Variants in ANKFN1 observed in about 807,000 individuals in gnomAD.
The protein encoded by ANKFN1 is ankyrin repeat and fibronectin type III domain containing 1.
ANKFN1 carries 74 observed loss-of-function variants against 108.7 expected under a neutral mutation model. That is an observed-to-expected ratio of 0.68 (90% CI 0.56 to 0.83). The LOEUF (loss-of-function observed/expected upper bound fraction) is 0.83, where lower values mean the gene tolerates loss of function less well. Ranked by LOEUF, ANKFN1 falls within the 40% of genes least tolerant of loss-of-function variation. ANKFN1 has a pLI of 0.00. For missense variants in ANKFN1, 1,505 were observed against 1,382.3 expected, an observed-to-expected ratio of 1.09 and a Z score of -1.41; for synonymous variants, 547 against 516.2, an observed-to-expected ratio of 1.06 and a Z score of -0.81.
intron 1 of ANKFN1, among the ~76,000 whole-genome samples, chr17:56,172,023 A>T (rs1362072378): frequency 6.6e-6 from 1 of 152,198 alleles, no homozygotes; most frequent in Non-Finnish European, 1.5e-5. Context: ...AAAAAAACAA[A>T]AACAACTCTG....
chr17:56,151,213 C>T (rs1219295250), upstream of ANKFN1, among the ~76,000 whole-genome samples: 1 of 152,172 alleles, frequency 6.6e-6, no homozygotes, highest in East Asian at 1.9e-4. Flanking sequence ...ACACCCTCTA[C>T]CTGCTGTTTT....
rs1441749962 is a variant in ANKFN1, at chr17:56,513,679, CA to C, written c.*2414del. Among the ~76,000 whole-genome samples the C allele has an allele frequency of 1.3e-5, 2 of 152,076 alleles. No homozygotes were observed. Among genetic ancestry groups the C allele is most frequent in the South Asian group, 2.1e-4 (1 of 4,818 alleles). On this transcript the variant is annotated 3_prime_UTR_variant, in exon 21 of 21. Transcript: ENST00000682825. ...GTCAGTAAGTTCTGGCATACTGGAC[CA>C]AAACTGCATTAATTTTAAACCTGCT...
At chr17:56,076,187 C>T (rs984851505) in intron 4 of ANKFN1, among the ~76,000 whole-genome samples, 4 of 152,122 alleles carry the variant, frequency 2.6e-5, no homozygotes, top group African/African-American at 9.7e-5. Flanking sequence ...TGTAATATTA[C>T]TAGTAATATT....
At chr17:56,187,115 C>T (rs1490231197) in intron 1 of ANKFN1, among the ~76,000 whole-genome samples, 2 of 152,088 alleles carry the variant, frequency 1.3e-5, no homozygotes, top group Non-Finnish European at 2.9e-5. Flanking sequence ...AGCGTCTGCA[C>T]AACAAAAGAA....
chr17:56,309,426 G>A (rs2044942762), intron 3 of ANKFN1, among the ~76,000 whole-genome samples: 1 of 152,012 alleles, frequency 6.6e-6, no homozygotes, highest in African/African-American at 2.4e-5. Flanking sequence ...TTGGTAAATT[G>A]CATCTCTTTT....
intron 3 of ANKFN1, among the ~76,000 whole-genome samples, chr17:56,258,648 T>C (rs1030471115): frequency 3.3e-5 from 5 of 152,130 alleles, no homozygotes; most frequent in Non-Finnish European, 7.4e-5. Context: ...CGGTGGCTCA[T>C]GCCTGTAATC....
chr17:56,389,941 A>G (rs2047380507), intron 8 of ANKFN1, among the ~76,000 whole-genome samples: 1 of 152,140 alleles, frequency 6.6e-6, no homozygotes, highest in African/African-American at 2.4e-5. Flanking sequence ...TGTGCTGAGT[A>G]CATTGCCTCT....
chr17:56,448,984 G>T, intron 10 of ANKFN1, 95 bp from the exon 11 acceptor site: 2 of 965,928 alleles, frequency 2.1e-6, no homozygotes, highest in Non-Finnish European at 3.2e-6. Context: ...AGAGACTGTG[G>T]GTAGTATGAG....
chr17:56,177,348 TG>T (rs1014467154), intron 1 of ANKFN1, among the ~76,000 whole-genome samples: 5 of 152,342 alleles, frequency 3.3e-5, no homozygotes, highest in Admixed American at 2.6e-4. Context: ...GATGGAATTT[TG>T]GTTTCCCAGC....
At chr17:56,379,404 A>G (rs1430943747) in intron 8 of ANKFN1, among the ~76,000 whole-genome samples, 2 of 151,758 alleles carry the variant, frequency 1.3e-5, no homozygotes, top group African/African-American at 4.8e-5. Context: ...ATCTCAAGAA[A>G]AAAAAAAAAA....
chr17:56,147,982 G>A lies in ANKFN1; in HGVS notation c.289-79935G>A, dbSNP rs183843355. On this transcript the variant is annotated intron_variant, in intron 4 of 12. Coordinates refer to the ANKFN1 transcript ENST00000635860. ...GCATTATTTCATTGAATCTTCATAA[G>A]TGCTCTCTAAAGGAAGAACTGGTGT... Among the ~76,000 whole-genome samples the A allele has an allele frequency of 1.3e-3, 193 of 152,260 alleles. 7 individuals carry two copies. The South Asian group carries it at 0.037, about 29-fold the overall frequency.
intron 1 of ANKFN1, among the ~76,000 whole-genome samples, chr17:56,197,851 G>T (rs527902647): frequency 1.3e-5 from 2 of 152,288 alleles, no homozygotes; most frequent in Non-Finnish European, 2.9e-5. Flanking sequence ...ATGCACAGGG[G>T]TGTGGGAAGG....
chr17:56,085,788 C>T (rs1905305598), intron 4 of ANKFN1, among the ~76,000 whole-genome samples: 1 of 151,296 alleles, frequency 6.6e-6, no homozygotes, highest in Non-Finnish European at 1.5e-5. Flanking sequence ...ATGGTCCCCA[C>T]CACATGATGA....
chr17:56,487,373 T>G (rs1366597895), intron 18 of ANKFN1, among the ~76,000 whole-genome samples: 2 of 152,152 alleles, frequency 1.3e-5, no homozygotes, highest in African/African-American at 4.8e-5. Flanking sequence ...TCAGGTGACG[T>G]GGCCCCTTGA....
At chr17:56,109,761 C>T (rs1048450126) in intron 4 of ANKFN1, among the ~76,000 whole-genome samples, 1 of 152,196 alleles carries the variant, frequency 6.6e-6, no homozygotes, top group South Asian at 2.1e-4. Context: ...GCTGAAATAC[C>T]TGTCAACAGT....
chr17:56,253,072 T>C (rs1166094099), intron 3 of ANKFN1, among the ~76,000 whole-genome samples: 3 of 152,082 alleles, frequency 2.0e-5, no homozygotes, highest in Admixed American at 1.3e-4. Context: ...CAAATAATAA[T>C]AATAATTGAT....
At chr17:56,105,745 G>GT (rs1905739780) in intron 4 of ANKFN1, among the ~76,000 whole-genome samples, 1 of 150,664 alleles carries the variant, frequency 6.6e-6, no homozygotes, top group Non-Finnish European at 1.5e-5. Context: ...GTGTGTATGA[G>GT]ACAGGGAGAG....
At chr17:56,175,060 T>C (rs1911022720) in intron 1 of ANKFN1, among the ~76,000 whole-genome samples, 1 of 152,182 alleles carries the variant, frequency 6.6e-6, no homozygotes, top group South Asian at 2.1e-4. Flanking sequence ...AAAAAACCTA[T>C]ATCCACGTTT....
intron 8 of ANKFN1, among the ~76,000 whole-genome samples, chr17:56,417,776 T>C (rs773812508): frequency 1.3e-5 from 2 of 152,222 alleles, no homozygotes; most frequent in Non-Finnish European, 2.9e-5. Flanking sequence ...TATTCCATCA[T>C]GTTGCTGACA....
Sources: allele counts gnomAD v4.1 joint callset (sites outside exome capture counted in the v4.1 genomes callset), GRCh38; gene constraint gnomAD v4.1.1; transcripts MANE v1.5; gene names NCBI Gene and HGNC (gene_info 2026-07-23, HGNC 2026-07-21).